Variants in PRKCE observed in about 807,000 individuals in gnomAD.
The protein encoded by PRKCE is protein kinase C epsilon type.
Under a neutral mutation model 85.4 loss-of-function variants are expected in PRKCE, and 16 were observed. The ratio of observed to expected loss-of-function variants is 0.19; its 90% CI spans 0.13 to 0.28. The LOEUF is 0.28. Among genes scored for constraint, PRKCE ranks in the 10% least tolerant of loss-of-function variants. The pLI, the probability that PRKCE is intolerant of heterozygous loss-of-function variation, is 1.00. For synonymous variants in PRKCE, 388 were observed against 371.5 expected (o/e 1.04, Z -0.51); for missense variants, 573 against 975.2 (o/e 0.59, Z 5.49).
At chr2:46,096,976 A>C (rs1204178250) in intron 11 of PRKCE, among the ~76,000 whole-genome samples, 1 of 152,196 alleles carries the variant, frequency 6.6e-6, no homozygotes, top group Admixed American at 6.5e-5. Flanking sequence ...GGGCTCGGCC[A>C]GTGCCTGAGG....
At chr2:45,860,769 C>A (rs1693094065) in intron 2 of PRKCE, among the ~76,000 whole-genome samples, 1 of 152,120 alleles carries the variant, frequency 6.6e-6, no homozygotes, top group East Asian at 1.9e-4. Context: ...TTGCATGGTA[C>A]ACTCTTGGGG....
rs533481125 is a variant in PRKCE at position 46,106,534 on chromosome 2, A to G, written c.1592+20172A>G. Among the ~76,000 whole-genome samples the G allele has an allele frequency of 2.6e-5, 4 of 152,350 alleles. No homozygotes were observed. The East Asian group carries it at 7.7e-4, about 29-fold the overall frequency. ...ATTTTCTCATAGTTCTGGAGGCTGGATGTTCAAGATCAAGGTACCAGCAAA... is the reference window on the plus strand; with the variant it reads ...ATTTTCTCATAGTTCTGGAGGCTGGGTGTTCAAGATCAAGGTACCAGCAAA... On this transcript the variant is annotated intron_variant, in intron 11 of 14. Transcript: ENST00000306156.
intron 1 of PRKCE, among the ~76,000 whole-genome samples, chr2:45,830,126 A>G (rs1482524611): frequency 4.0e-5 from 6 of 151,894 alleles, no homozygotes; most frequent in Non-Finnish European, 7.4e-5. Flanking sequence ...AAGAAATAGT[A>G]TAATGGTTTG....
chr2:45,973,839 G>A (rs934792357), intron 2 of PRKCE, among the ~76,000 whole-genome samples: 1 of 152,204 alleles, frequency 6.6e-6, no homozygotes, highest in African/African-American at 2.4e-5. Flanking sequence ...GTGTTCCTTT[G>A]AGAAAATTAG....
chr2:45,930,525 A>G (rs1054309947), intron 2 of PRKCE, among the ~76,000 whole-genome samples: 4 of 152,168 alleles, frequency 2.6e-5, no homozygotes, highest in Non-Finnish European at 5.9e-5. Context: ...TTGCACATAC[A>G]CAGGCAACTC....
At chr2:45,823,925 G>T (rs1436715111) in intron 1 of PRKCE, among the ~76,000 whole-genome samples, 3 of 152,256 alleles carry the variant, frequency 2.0e-5, no homozygotes, top group African/African-American at 7.2e-5. Flanking sequence ...AGGATATGGC[G>T]TCTGGCTCAG....
chr2:46,024,330 C>A (rs1277427804), intron 10 of PRKCE, among the ~76,000 whole-genome samples: 3 of 147,110 alleles, frequency 2.0e-5, no homozygotes, highest in Non-Finnish European at 4.5e-5. Flanking sequence ...TTTGCAGAGG[C>A]AATAGGAAGT....
chr2:45,778,616 C>T (rs1015848601), intron 1 of PRKCE, among the ~76,000 whole-genome samples: 1 of 152,104 alleles, frequency 6.6e-6, no homozygotes, highest in African/African-American at 2.4e-5. Flanking sequence ...TGGTTTTTAG[C>T]GGATGTTCCT....
At chr2:46,024,921 A>C (rs1398092451) in intron 10 of PRKCE, among the ~76,000 whole-genome samples, 1 of 152,234 alleles carries the variant, frequency 6.6e-6, no homozygotes, top group Non-Finnish European at 1.5e-5. Flanking sequence ...GAATGGTGAA[A>C]TACTTCTACC....
At chr2:46,055,339 C>G (rs1666467091) in intron 10 of PRKCE, among the ~76,000 whole-genome samples, 2 of 152,242 alleles carry the variant, frequency 1.3e-5, no homozygotes, top group Non-Finnish European at 1.5e-5. Context: ...AAGGGTGGAA[C>G]TCAGCGGGAC....
At chr2:45,680,357 T>C (rs1021991736) in intron 1 of PRKCE, among the ~76,000 whole-genome samples, 19 of 152,198 alleles carry the variant, frequency 1.2e-4, no homozygotes, top group African/African-American at 4.6e-4. Flanking sequence ...TGTGCCCCCT[T>C]CTTTCCCCTC....
At chr2:45,869,009 G>T (rs1179820988) in intron 2 of PRKCE, among the ~76,000 whole-genome samples, 1 of 151,840 alleles carries the variant, frequency 6.6e-6, no homozygotes, top group Non-Finnish European at 1.5e-5. Flanking sequence ...ATAAGTAGCT[G>T]GTAGAATTTC....
At chr2:45,764,238 C>G (rs556555311) in intron 1 of PRKCE, among the ~76,000 whole-genome samples, 7 of 152,282 alleles carry the variant, frequency 4.6e-5, no homozygotes, top group African/African-American at 1.4e-4. Flanking sequence ...GTACGAATGT[C>G]CGTAGGTGAA....
intron 1 of PRKCE, among the ~76,000 whole-genome samples, chr2:45,746,924 C>G (rs1333609750): frequency 6.6e-6 from 1 of 152,154 alleles, no homozygotes; most frequent in East Asian, 1.9e-4. Flanking sequence ...CCTTTGTCCT[C>G]ATACCTGTCT....
intron 2 of PRKCE, among the ~76,000 whole-genome samples, chr2:45,971,263 T>G (rs1433514468): frequency 6.6e-6 from 1 of 152,228 alleles, no homozygotes; most frequent in Non-Finnish European, 1.5e-5. Context: ...AGTGGTATCA[T>G]GTAGTATTTG....
chr2:45,951,607 C>T (rs187781731), intron 2 of PRKCE, among the ~76,000 whole-genome samples: 202 of 152,338 alleles, frequency 1.3e-3, no homozygotes, highest in Middle Eastern at 3.4e-3. Flanking sequence ...AGGACCAATG[C>T]AGCATCTCAC....
At chr2:46,097,519 C>CAAAAAAAAAAAAAAAAAAAAAAAAA (rs66634467) in intron 11 of PRKCE, among the ~76,000 whole-genome samples, 47 of 94,102 alleles carry the variant, frequency 5.0e-4, no homozygotes, top group Non-Finnish European at 6.3e-4. Context: ...GACTCCGTCT[C>CAAAAAAAAAAAAAAAAAAAAAAAAA]AAAAAAAAAA....
At chr2:45,875,170 G>A (rs572213929) in intron 2 of PRKCE, among the ~76,000 whole-genome samples, 4 of 152,234 alleles carry the variant, frequency 2.6e-5, no homozygotes, top group East Asian at 1.9e-4. Context: ...GGTGAGACTC[G>A]GAGTGAAAAT....
chr2:45,697,953 G>A lies in PRKCE; in HGVS notation c.348+45505G>A, dbSNP rs919555232. 1 of 152,644 alleles carries A rather than the reference G, an allele frequency of 6.6e-6. No homozygotes were observed. Among genetic ancestry groups the A allele is most frequent in the Non-Finnish European group, 1.5e-5 (1 of 68,048 alleles). 9.5% of individuals were successfully genotyped at this position (152,644 alleles called of 1,614,324 possible). On this transcript the variant is annotated intron_variant, in intron 1 of 14. Transcript: ENST00000306156. The surrounding 1 kb of genome is among the most constrained non-coding windows in gnomAD (Gnocchi z 4.2). ...CACATCTTCCTAGACAGGGTGAATG[G>A]AAAGCAGCCCTTTGACAGAAGAAAG...
Sources: gnomAD v4.1 joint callset for allele counts (sites outside exome capture counted in the v4.1 genomes callset) on GRCh38, gnomAD v4.1.1 for gene constraint, Gnocchi (gnomAD v3.1) non-coding constraint, MANE v1.5 for transcripts, NCBI Gene and HGNC (gene_info 2026-07-23, HGNC 2026-07-21) for gene names.